Variants in DLEU7 observed in about 807,000 individuals in gnomAD.
DLEU7 encodes leukemia-associated protein 7.
In DLEU7, 17 loss-of-function variants were observed where a neutral mutation model predicts 16.0. That is an observed-to-expected ratio of 1.06 (90% CI 0.73 to 1.59). The LOEUF (loss-of-function observed/expected upper bound fraction) is 1.59. DLEU7 is among the 40% of genes most tolerant of loss of function. DLEU7 has a pLI of 0.00. For synonymous variants in DLEU7, 113 were observed against 139.8 expected, an observed-to-expected ratio of 0.81 and a Z score of 1.35; for missense variants, 308 against 314.9, an observed-to-expected ratio of 0.98 and a Z score of 0.17.
At chr13:50,727,997 T>G in intron 1 of DLEU7, among the ~76,000 whole-genome samples, 1 of 152,174 alleles carries the variant, frequency 6.6e-6, no homozygotes, top group East Asian at 1.9e-4. Flanking sequence ...CCTGAGAGTT[T>G]GCATTTCTAA....
intron 1 of DLEU7, among the ~76,000 whole-genome samples, chr13:50,756,607 G>A (rs1475651382): frequency 6.6e-6 from 1 of 152,170 alleles, no homozygotes; most frequent in South Asian, 2.1e-4. Flanking sequence ...GCAGTGGGCC[G>A]AGCAGGGCTT....
intron 1 of DLEU7, among the ~76,000 whole-genome samples, chr13:50,826,152 TA>T (rs1259754483): frequency 1.3e-5 from 2 of 151,950 alleles, no homozygotes; most frequent in Admixed American, 6.6e-5. Context: ...TTTGTGCTCC[TA>T]TGAGAATCTA....
At position 50,775,060 on chromosome 13, in the gene DLEU7, G is replaced by A. The variant is rs147674975; in HGVS notation, c.460-61820C>T. Among the ~76,000 whole-genome samples the A allele has an allele frequency of 1.1e-3, 171 of 151,440 alleles. 1 individual carries two copies. The highest frequency in any genetic ancestry group is 3.8e-3 in the African/African-American group (158 of 41,218). On this transcript the variant is annotated intron_variant, in intron 1 of 1. Transcript: ENST00000400393. ...TATATTAATTTTTGTCAATGTTAAC[G>A]TCTGGTTAATTTCAACATCTCGTTA... is the stretch of plus-strand genomic sequence containing the variant.
At chr13:50,735,871 T>C (rs910581866) in intron 1 of DLEU7, among the ~76,000 whole-genome samples, 3 of 152,070 alleles carry the variant, frequency 2.0e-5, no homozygotes, top group African/African-American at 7.2e-5. Flanking sequence ...GCTGGCAAGG[T>C]TGCAGAGAAA....
intron 1 of DLEU7, among the ~76,000 whole-genome samples, chr13:50,827,754 A>C (rs896630879): frequency 6.6e-6 from 1 of 152,204 alleles, no homozygotes; most frequent in Non-Finnish European, 1.5e-5. Flanking sequence ...ATAAAGATAC[A>C]AACATAAGGC....
chr13:50,835,838 CAAGTT>C (rs1288197294), intron 1 of DLEU7, among the ~76,000 whole-genome samples: 2 of 152,222 alleles, frequency 1.3e-5, no homozygotes, highest in East Asian at 3.8e-4. Flanking sequence ...AAACGGAAGA[CAAGTT>C]AAGCCTGTTT....
chr13:50,764,724 T>G (rs1424265771), intron 1 of DLEU7, among the ~76,000 whole-genome samples: 1 of 152,156 alleles, frequency 6.6e-6, no homozygotes, highest in Non-Finnish European at 1.5e-5. Context: ...TCAGGGAACT[T>G]GAGTCAAATC....
chr13:50,774,750 G>C (rs1875444046), intron 1 of DLEU7, among the ~76,000 whole-genome samples: 1 of 151,612 alleles, frequency 6.6e-6, no homozygotes, highest in African/African-American at 2.4e-5. Context: ...CAATTGCACA[G>C]CTCACTGGGG....
intron 1 of DLEU7, among the ~76,000 whole-genome samples, chr13:50,745,903 C>T (rs1002780328): frequency 2.6e-5 from 4 of 152,112 alleles, no homozygotes; most frequent in Non-Finnish European, 4.4e-5. Flanking sequence ...TAACTGTAGT[C>T]ATAGCAAGGC....
intron 1 of DLEU7, among the ~76,000 whole-genome samples, chr13:50,770,701 G>C (rs181530171): frequency 6.6e-6 from 1 of 152,100 alleles, no homozygotes; most frequent in Non-Finnish European, 1.5e-5. Flanking sequence ...TTTTCGCATC[G>C]ATGTTCATCA....
intron 1 of DLEU7, among the ~76,000 whole-genome samples, chr13:50,837,543 A>G (rs1877511325): frequency 6.6e-6 from 1 of 152,168 alleles, no homozygotes; most frequent in South Asian, 2.1e-4. Flanking sequence ...TCATCACTGC[A>G]CCTTTTTTCT....
intron 1 of DLEU7, among the ~76,000 whole-genome samples, chr13:50,760,288 T>G (rs1463303997): frequency 1.3e-5 from 2 of 152,220 alleles, no homozygotes; most frequent in Non-Finnish European, 2.9e-5. Flanking sequence ...TTAAACATCT[T>G]TGAATACTTT....
chr13:50,798,504 G>A (rs1876159944), intron 1 of DLEU7, among the ~76,000 whole-genome samples: 1 of 152,142 alleles, frequency 6.6e-6, no homozygotes, highest in Non-Finnish European at 1.5e-5. Context: ...TTTCTCACCT[G>A]ATGATGCCAG....
chr13:50,742,555 G>A (rs1874281028), intron 1 of DLEU7, among the ~76,000 whole-genome samples: 1 of 152,048 alleles, frequency 6.6e-6, no homozygotes, highest in South Asian at 2.1e-4. Flanking sequence ...TATTTAATGT[G>A]GTTTGCAGCC....
At chr13:50,805,200 AG>A (rs1450355165) in intron 1 of DLEU7, among the ~76,000 whole-genome samples, 14 of 152,188 alleles carry the variant, frequency 9.2e-5, no homozygotes, top group African/African-American at 3.4e-4. Context: ...ATATTGCACT[AG>A]GTTAAGGAAG....
chr13:50,803,955 G>T (rs1236813767), intron 1 of DLEU7, among the ~76,000 whole-genome samples: 2 of 152,054 alleles, frequency 1.3e-5, no homozygotes, highest in African/African-American at 2.4e-5. Context: ...TCCATGGTGG[G>T]TCCTAGTATT....
chr13:50,749,148 T>C (rs1163096477), intron 1 of DLEU7, among the ~76,000 whole-genome samples: 1 of 152,094 alleles, frequency 6.6e-6, no homozygotes, highest in Non-Finnish European at 1.5e-5. Context: ...TGTTTGATTT[T>C]CCATTCCTGA....
chr13:50,794,561 T>C (rs1876056864), intron 1 of DLEU7, among the ~76,000 whole-genome samples: 1 of 152,196 alleles, frequency 6.6e-6, no homozygotes. Flanking sequence ...GTGAAAATGT[T>C]TAAGTTTTTT....
chr13:50,812,293 G>A (rs1319966500), intron 1 of DLEU7, among the ~76,000 whole-genome samples: 1 of 152,082 alleles, frequency 6.6e-6, no homozygotes, highest in African/African-American at 2.4e-5. Flanking sequence ...AGACCTGAGG[G>A]GCCCCCGTGG....
Sources: gnomAD v4.1 joint callset for allele counts (sites outside exome capture counted in the v4.1 genomes callset) on GRCh38, gnomAD v4.1.1 for gene constraint, MANE v1.5 for transcripts, NCBI Gene and HGNC (gene_info 2026-07-23, HGNC 2026-07-21) for gene names.